PPP2R5D: variants seen among roughly 807,000 people sequenced by gnomAD.
PPP2R5D encodes protein phosphatase 2 regulatory subunit B'delta.
PPP2R5D carries 12 observed loss-of-function variants against 79.1 expected under a neutral mutation model. The observed-to-expected ratio is 0.15, with a 90% CI of 0.10 to 0.25. The LOEUF (loss-of-function observed/expected upper bound fraction) is 0.25. PPP2R5D is among the 10% of genes least tolerant of loss of function. The probability of loss-of-function intolerance (pLI) is 1.00; values close to 1 mark genes in which losing one functional copy is unlikely to be tolerated. For synonymous variants in PPP2R5D, 277 were observed against 286.6 expected, an observed-to-expected ratio of 0.97 and a Z score of 0.34; for missense variants, 419 against 760.2, an observed-to-expected ratio of 0.55 and a Z score of 5.28.
Position 43,007,334 on chromosome 6 carries a change from G to A in PPP2R5D, c.633+28G>A, listed in dbSNP as rs762802319. The A allele has an allele frequency of 9.3e-6, 15 of 1,610,796 alleles. No individual in the cohort carries two copies. In the Admixed American group the frequency reaches 1.2e-4, roughly 13 times the overall value. ...ACCAGGGCAAGGGGGCAGATTGGCCGTGGCTGCAGGGAGTGGGGCACTTGG... is the reference window on the plus strand; with the variant it reads ...ACCAGGGCAAGGGGGCAGATTGGCCATGGCTGCAGGGAGTGGGGCACTTGG... On this transcript the variant is annotated intron_variant, in intron 5 of 15. Transcript: ENST00000485511. The surrounding 1 kb of genome is among the most constrained non-coding windows in gnomAD (Gnocchi z 4.5).
intron 2 of PPP2R5D, among the ~76,000 whole-genome samples, chr6:42,997,783 C>T (rs550481625): frequency 2.0e-5 from 3 of 147,294 alleles, no homozygotes; most frequent in South Asian, 4.4e-4. Flanking sequence ...TGACCTCAGG[C>T]GATCCGCCCA....
intron 2 of PPP2R5D, among the ~76,000 whole-genome samples, chr6:42,998,037 A>ATG (rs1771865459): frequency 3.7e-5 from 1 of 26,768 alleles, no homozygotes; most frequent in Admixed American, 5.9e-4. Context: ...ATATATATAT[A>ATG]TATATATATA....
chr6:43,010,998 G>GT lies in PPP2R5D; in HGVS notation c.1671+2dup. On this transcript the variant is annotated splice_donor_variant, in intron 15 of 15. Coordinates refer to ENST00000485511, the MANE Select transcript of PPP2R5D (RefSeq NM_006245.4). LOFTEE classifies it high-confidence loss of function. This position sits in a 1 kb window ranked among gnomAD's most constrained non-coding sequence, Gnocchi z 4.7. ...GACTGTGGAGACTGAGGCTGTTCAGGTGGGAGGGCAATGTAGGGGGATGGA... is the reference window on the plus strand; with the variant it reads ...GACTGTGGAGACTGAGGCTGTTCAGGTTGGGAGGGCAATGTAGGGGGATGGA... 6.2e-7 allele frequency: 1 copy of GT among 1,613,252 alleles called. No homozygotes were observed. Among genetic ancestry groups the GT allele is most frequent in the Non-Finnish European group, 8.5e-7 (1 of 1,179,208 alleles).
Position 43,010,295 on chromosome 6 carries a change from A to G in PPP2R5D, c.1380-173A>G, listed in dbSNP as rs1489857732. ...GTGAAAACCATGAAATGCCAGTCTC[A>G]AACCAGGTGATTTGGCCAGAGCTCT... On this transcript the variant is annotated intron_variant, in intron 12 of 15. Transcript: ENST00000485511. The surrounding 1 kb of genome is among the most constrained non-coding windows in gnomAD (Gnocchi z 4.7). 1.3e-5 allele frequency among the ~76,000 whole-genome samples: 2 copies of G among 152,174 alleles called. No homozygotes were observed. Among genetic ancestry groups the G allele is most frequent in the Non-Finnish European group, 2.9e-5 (2 of 68,034 alleles).
chr6:42,991,698 A>G (rs1250887131), intron 2 of PPP2R5D, among the ~76,000 whole-genome samples: 3 of 152,200 alleles, frequency 2.0e-5, no homozygotes, highest in South Asian at 2.1e-4. Context: ...AAATGCACCA[A>G]TTTCACATTA....
chr6:42,989,732 C>T lies in PPP2R5D; in HGVS notation c.105+44C>T, dbSNP rs374044413. On this transcript the variant is annotated intron_variant, in intron 2 of 15. Transcript: ENST00000485511. ...GCCTTAGATGTGGTGCAGGTGCCAC[C>T]CGCAACTCCATGATGGCTAGTTGGG... The T allele has an allele frequency of 3.9e-6, 6 of 1,546,330 alleles. No homozygotes were observed. The South Asian group carries it at 4.5e-5, about 12-fold the overall frequency.
intron 2 of PPP2R5D, among the ~76,000 whole-genome samples, chr6:43,001,790 G>A (rs781738928): frequency 2.6e-5 from 4 of 151,884 alleles, no homozygotes; most frequent in Non-Finnish European, 4.4e-5. Flanking sequence ...CGGAGGCTGA[G>A]GCAGGAGAAT....
In PPP2R5D at chr6:43,003,742, T is replaced by G. The variant is rs150813854; in HGVS notation, c.106-2721T>G. ...TTTTTTTATGTATGTATGTATGTATTTATTTATTTTTTGAGACGGCGTCTC... is the reference window on the plus strand; with the variant it reads ...TTTTTTTATGTATGTATGTATGTATGTATTTATTTTTTGAGACGGCGTCTC... On this transcript the variant is annotated intron_variant, in intron 2 of 15. Transcript: ENST00000485511. Among the ~76,000 whole-genome samples, 1,164 of 152,168 alleles carry G rather than the reference T, an allele frequency of 7.6e-3. 5 individuals are homozygous for G. Among genetic ancestry groups the G allele is most frequent in the Middle Eastern group, 0.014 (4 of 292 alleles).
rs1169215441 is a variant in PPP2R5D at position 43,012,050 on chromosome 6, A to G, written c.*764A>G. The G allele has an allele frequency of 3.0e-6, 1 of 334,852 alleles. No homozygotes were observed. The highest frequency in any genetic ancestry group is 1.6e-4 in the East Asian group (1 of 6,074). 20.7% of individuals were successfully genotyped at this position (334,852 alleles called of 1,614,324 possible). Reference sequence around the variant, plus strand: ...CTGCTTTTCTGTGCTGTTGGTTCCCAAAACTAGAAAGAAGGAAGCAGGGAG... The same window carrying G: ...CTGCTTTTCTGTGCTGTTGGTTCCCGAAACTAGAAAGAAGGAAGCAGGGAG... On this transcript the variant is annotated 3_prime_UTR_variant, in exon 16 of 16. Transcript: ENST00000485511.
chr6:43,006,365 C>T lies in PPP2R5D; in HGVS notation c.106-98C>T, dbSNP rs1180320372. On this transcript the variant is annotated intron_variant, in intron 2 of 15. Transcript: ENST00000485511. The surrounding 1 kb of genome is among the most constrained non-coding windows in gnomAD (Gnocchi z 4.7). ...GGGCAGGAGACAGCTGCTCACTGCCCAGGCCTGTGCAGGCATAAACAGACT... is the reference window on the plus strand; with the variant it reads ...GGGCAGGAGACAGCTGCTCACTGCCTAGGCCTGTGCAGGCATAAACAGACT... 2.0e-6 allele frequency: 3 copies of T among 1,505,526 alleles called. No individual in the cohort carries two copies. The highest frequency in any genetic ancestry group is 2.8e-5 in the African/African-American group (2 of 72,152). 93.3% of individuals were successfully genotyped at this position (1,505,526 alleles called of 1,614,324 possible).
chr6:43,009,528 G>C lies in PPP2R5D; in HGVS notation c.1379+79G>C. The C allele has an allele frequency of 6.3e-7, 1 of 1,584,056 alleles. No individual in the cohort carries two copies. Among genetic ancestry groups the C allele is most frequent in the South Asian group, 1.1e-5 (1 of 89,784 alleles). The stretch of plus-strand genomic sequence containing the variant: ...GGGTATGGAAGAACTAAAGAGCCAG[G>C]GGTCTCACCTAGTCACCCAGCAAGT... On this transcript the variant is annotated intron_variant, in intron 12 of 15. Coordinates refer to ENST00000485511, the MANE Select transcript of PPP2R5D (RefSeq NM_006245.4). The surrounding 1 kb of genome is among the most constrained non-coding windows in gnomAD (Gnocchi z 5.6).
At chr6:42,993,447 G>T (rs1393550133) in intron 2 of PPP2R5D, among the ~76,000 whole-genome samples, 1 of 152,134 alleles carries the variant, frequency 6.6e-6, no homozygotes, top group African/African-American at 2.4e-5. Flanking sequence ...CTCCAGCCTC[G>T]GTGACAAGAG....
chr6:42,989,572 C>T (rs757996364), intron 1 of PPP2R5D, 39 bp from the exon 2 acceptor site: 1 of 1,530,538 alleles, frequency 6.5e-7, no homozygotes, highest in Admixed American at 1.7e-5. Context: ...CTCCCTTCTC[C>T]TGGCATCTGC....
rs1272153805 is a variant in PPP2R5D, at chr6:43,006,978, C to T, written c.390C>T (p.Asp130=). Residue 130 remains aspartate (D), a synonymous_variant, in exon 4 of 16, where the codon GAC becomes GAT. Transcript: ENST00000485511. The surrounding 1 kb of genome is among the most constrained non-coding windows in gnomAD (Gnocchi z 4.7). ...TACGCCAGTGCTGTGTCCTCTTTGA[C>T]TTCGTGTCAGACCCACTCAGTGACC... is the stretch of plus-strand genomic sequence containing the variant. ...QKLRQCCVLF[D]FVSDPLSDLK... The T allele has an allele frequency of 1.2e-6, 2 of 1,614,190 alleles. No homozygotes were observed. The highest frequency in any genetic ancestry group is 8.5e-7 in the Non-Finnish European group (1 of 1,180,036).
intron 2 of PPP2R5D, among the ~76,000 whole-genome samples, chr6:42,998,013 ATTTATATATATATATAT>A (rs1561843605): frequency 0.029 from 1,095 of 38,362 alleles, 26 homozygotes; most frequent in Middle Eastern, 0.043. Context: ...TTTGGGTTTT[ATTTATATATATATATAT>A]ATATATATAT....
In PPP2R5D at chr6:43,011,486, T is replaced by G. The variant is rs1762348740; in HGVS notation, c.*200T>G. 1.5e-6 allele frequency: 1 copy of G among 679,848 alleles called. No individual in the cohort carries two copies. The highest frequency in any genetic ancestry group is 2.4e-6 in the Non-Finnish European group (1 of 411,632). 42.1% of individuals were successfully genotyped at this position (679,848 alleles called of 1,614,324 possible). On this transcript the variant is annotated 3_prime_UTR_variant, in exon 16 of 16. Transcript: ENST00000485511. ...TCCCCAAAAGGTGTTCATGCCTCCC[T>G]GTGGCTAGTACAGGCTGAGCACTAA... is the stretch of plus-strand genomic sequence containing the variant.
At chr6:42,990,698 A>ATTTTTT (rs1370380521) in intron 2 of PPP2R5D, among the ~76,000 whole-genome samples, 2 of 86,956 alleles carry the variant, frequency 2.3e-5, no homozygotes, top group Non-Finnish European at 4.4e-5. Context: ...GCAGTATTCT[A>ATTTTTT]CTTTTTTTTT....
chr6:43,005,959 T>C (rs1294955143), intron 2 of PPP2R5D, among the ~76,000 whole-genome samples: 1 of 152,174 alleles, frequency 6.6e-6, no homozygotes, highest in Non-Finnish European at 1.5e-5. Flanking sequence ...ATACATTCAG[T>C]AAAGGATCTT....
intron 2 of PPP2R5D, among the ~76,000 whole-genome samples, chr6:42,995,948 C>T (rs1226655535): frequency 6.7e-6 from 1 of 149,774 alleles, no homozygotes. Context: ...GCAGGCTCCG[C>T]CCCCCGGGGT....
Sources: allele counts gnomAD v4.1 joint callset (sites outside exome capture counted in the v4.1 genomes callset), GRCh38; gene constraint gnomAD v4.1.1; non-coding constraint Gnocchi (gnomAD v3.1); transcripts MANE v1.5; gene names NCBI Gene and HGNC (gene_info 2026-07-23, HGNC 2026-07-21).